ANTXR2: variants seen among roughly 807,000 people sequenced by gnomAD.
ANTXR2 encodes anthrax toxin receptor 2.
In ANTXR2, 44 loss-of-function variants were observed where a neutral mutation model predicts 73.7. The ratio of observed to expected loss-of-function variants is 0.60; its 90% CI spans 0.47 to 0.77. ANTXR2 has a LOEUF of 0.77. Ranked by LOEUF, ANTXR2 falls within the 30% of genes least tolerant of loss-of-function variation. The pLI is 0.00. For missense variants in ANTXR2, 604 were observed against 592.5 expected, an observed-to-expected ratio of 1.02 and a Z score of -0.20; for synonymous variants, 217 against 205.9, an observed-to-expected ratio of 1.05 and a Z score of -0.46.
intron 16 of ANTXR2, among the ~76,000 whole-genome samples, chr4:79,919,415 C>T (rs1442571419): frequency 6.6e-6 from 1 of 151,952 alleles, no homozygotes; most frequent in East Asian, 1.9e-4. Flanking sequence ...AGTATTGTTC[C>T]AGGGTGTGTC....
intron 12 of ANTXR2, among the ~76,000 whole-genome samples, chr4:80,003,160 G>C (rs1015520478): frequency 1.3e-5 from 2 of 151,942 alleles, no homozygotes; most frequent in South Asian, 2.1e-4. Flanking sequence ...TGGAACCAAC[G>C]CAAATGTCCA....
chr4:80,031,525 C>A, intron 10 of ANTXR2, 98 bp downstream of exon 10: 1 of 995,246 alleles, frequency 1.0e-6, no homozygotes, highest in Non-Finnish European at 1.4e-6. Context: ...CTCTGTATAT[C>A]AAAAAAAGAT....
intron 16 of ANTXR2, among the ~76,000 whole-genome samples, chr4:79,925,293 T>G (rs1449586627): frequency 6.6e-6 from 1 of 150,950 alleles, no homozygotes; most frequent in Non-Finnish European, 1.5e-5. Context: ...TTTCCTTTTT[T>G]TTTTTTTAAT....
chr4:80,014,680 G>A (rs760389293), intron 11 of ANTXR2, among the ~76,000 whole-genome samples: 2 of 152,138 alleles, frequency 1.3e-5, no homozygotes, highest in Non-Finnish European at 2.9e-5. Context: ...AGACCTTGGA[G>A]GACTGTCTTT....
chr4:79,929,583 G>A (rs1178884212), intron 16 of ANTXR2, among the ~76,000 whole-genome samples: 2 of 152,090 alleles, frequency 1.3e-5, no homozygotes, highest in Admixed American at 6.6e-5. Flanking sequence ...ATAAAGTTGT[G>A]GCTAGCTGTT....
intron 16 of ANTXR2, among the ~76,000 whole-genome samples, chr4:79,927,294 C>CCACACACACACA (rs112013307): frequency 0.088 from 13,280 of 150,250 alleles, 656 homozygotes; most frequent in Middle Eastern, 0.16. Flanking sequence ...GGAGCTCTTA[C>CCACACACACACA]CACACACACA....
intron 3 of ANTXR2, among the ~76,000 whole-genome samples, chr4:80,062,625 G>A (rs1418030807): frequency 6.6e-6 from 1 of 152,096 alleles, no homozygotes; most frequent in Admixed American, 6.6e-5. Flanking sequence ...ATTTTTTTTA[G>A]CTAACCCAAC....
At chr4:80,070,290 T>C (rs1004232112) in intron 2 of ANTXR2, among the ~76,000 whole-genome samples, 29 of 152,244 alleles carry the variant, frequency 1.9e-4, no homozygotes, top group African/African-American at 6.5e-4. Flanking sequence ...AATGTATTGT[T>C]AGTAATTGAG....
At chr4:79,932,675 C>T (rs1001296807) in intron 16 of ANTXR2, among the ~76,000 whole-genome samples, 7 of 151,360 alleles carry the variant, frequency 4.6e-5, no homozygotes, top group African/African-American at 1.2e-4. Context: ...GCCTGTAACC[C>T]CAGCTACTCG....
At chr4:80,028,425 TCAAA>T (rs921837517) in intron 10 of ANTXR2, among the ~76,000 whole-genome samples, 3 of 152,084 alleles carry the variant, frequency 2.0e-5, no homozygotes, top group Admixed American at 6.6e-5. Flanking sequence ...AGAATAATCC[TCAAA>T]CAAAGTGAAA....
At chr4:80,021,906 A>G (rs1732187910) in intron 10 of ANTXR2, among the ~76,000 whole-genome samples, 2 of 152,174 alleles carry the variant, frequency 1.3e-5, no homozygotes, top group South Asian at 4.1e-4. Context: ...AACCATAAAC[A>G]CCACTCATAA....
At chr4:79,997,377 A>G (rs1221172477) in intron 12 of ANTXR2, among the ~76,000 whole-genome samples, 5 of 151,952 alleles carry the variant, frequency 3.3e-5, no homozygotes, top group African/African-American at 1.2e-4. Context: ...GTGCCTAGGG[A>G]CCCACAGACA....
chr4:79,951,084 T>C (rs1365318299), intron 16 of ANTXR2, among the ~76,000 whole-genome samples: 1 of 152,136 alleles, frequency 6.6e-6, no homozygotes, highest in African/African-American at 2.4e-5. Context: ...ATAATACTTG[T>C]AGGAAAACAA....
rs563142223 is a variant in ANTXR2, at chr4:79,936,002, G to C, written c.1429-28535C>G. Among the ~76,000 whole-genome samples the C allele has an allele frequency of 2.0e-5, 3 of 152,252 alleles. No homozygotes were observed. The East Asian group carries it at 5.8e-4, about 29-fold the overall frequency. On this transcript the variant is annotated intron_variant, in intron 16 of 16. Coordinates refer to ENST00000403729, the MANE Select transcript of ANTXR2 (RefSeq NM_058172.6). Reference sequence around the variant, plus strand: ...ACAATAAATGCCTGTTCCAACAAAAGAGCACCTTAAACTATGATTCCATTC... The same window carrying C: ...ACAATAAATGCCTGTTCCAACAAAACAGCACCTTAAACTATGATTCCATTC...
At chr4:80,032,396 A>G (rs1732737618) in intron 9 of ANTXR2, among the ~76,000 whole-genome samples, 2 of 151,928 alleles carry the variant, frequency 1.3e-5, no homozygotes, top group South Asian at 4.1e-4. Context: ...ACAAATGACT[A>G]CTGAATAAAA....
chr4:79,934,016 G>A (rs1429300656), intron 16 of ANTXR2, among the ~76,000 whole-genome samples: 4 of 152,050 alleles, frequency 2.6e-5, no homozygotes, highest in Admixed American at 1.3e-4. Context: ...GGGATTGCAG[G>A]CATGAGCCAT....
intron 16 of ANTXR2, among the ~76,000 whole-genome samples, chr4:79,933,570 C>CT (rs1728138848): frequency 6.6e-6 from 1 of 151,872 alleles, no homozygotes; most frequent in Admixed American, 6.6e-5. Flanking sequence ...TTAAATTATA[C>CT]TTTAAGTTTC....
intron 16 of ANTXR2, among the ~76,000 whole-genome samples, chr4:79,947,231 A>T (rs1014320266): frequency 6.6e-6 from 1 of 152,212 alleles, no homozygotes; most frequent in African/African-American, 2.4e-5. Context: ...AACAGGAAAT[A>T]AAGTTTTCAT....
intron 10 of ANTXR2, among the ~76,000 whole-genome samples, chr4:80,022,646 T>A (rs1732223749): frequency 1.3e-5 from 2 of 152,238 alleles, no homozygotes; most frequent in Admixed American, 6.5e-5. Context: ...TACTTCTAGT[T>A]AGTATGTTTC....
Sources: allele counts gnomAD v4.1 joint callset (sites outside exome capture counted in the v4.1 genomes callset), GRCh38; gene constraint gnomAD v4.1.1; transcripts MANE v1.5; gene names NCBI Gene and HGNC (gene_info 2026-07-23, HGNC 2026-07-21).